Variants in KLF8 observed in about 807,000 individuals in gnomAD.
KLF8 encodes the protein KLF transcription factor 8, also known as Krueppel-like factor 8.
KLF8 carries 10 observed loss-of-function variants against 18.2 expected under a neutral mutation model. That is an observed-to-expected ratio of 0.55 (90% confidence interval 0.34 to 0.93). The LOEUF (loss-of-function observed/expected upper bound fraction) is 0.93, where lower values mean the gene tolerates loss of function less well. Among genes scored for constraint, KLF8 ranks in the 40% least tolerant of loss-of-function variants. KLF8 has a pLI of 0.02. For synonymous variants in KLF8, 109 were observed against 97.3 expected (o/e 1.12, Z -0.71); for missense variants, 264 against 277.9 (o/e 0.95, Z 0.36).
intron 2 of KLF8, among the ~76,000 whole-genome samples, chrX:56,252,340 A>G (rs912813075): frequency 1.8e-5 from 2 of 111,194 alleles, no homozygotes; most frequent in Non-Finnish European, 3.8e-5. Flanking sequence ...TTTCGTACAC[A>G]TTCACCATGA....
At chrX:56,117,450 T>C in the KLF8 span, among the ~76,000 whole-genome samples, 1 of 111,113 alleles carries the variant, frequency 9.0e-6, no homozygotes, top group African/African-American at 3.3e-5. Context: ...CCTGTCCTCA[T>C]AGAATATATA....
At chrX:56,083,991 AT>A in the KLF8 span, among the ~76,000 whole-genome samples, 8 of 111,906 alleles carry the variant, frequency 7.1e-5, no homozygotes, top group Non-Finnish European at 1.3e-4. Context: ...CAACTGAATT[AT>A]TTTTTGATCA....
chrX:56,041,369 C>T, the KLF8 span, among the ~76,000 whole-genome samples: 43 of 111,528 alleles, frequency 3.9e-4, no homozygotes, highest in African/African-American at 1.4e-3. Flanking sequence ...GGTGATCCAC[C>T]CGCCCAAAGT....
the KLF8 span, chrX:56,015,003 T>A: frequency 9.2e-6 from 1 of 108,188 alleles, no homozygotes. Context: ...TTGGGGAGTA[T>A]GGCAGGAGGG....
At chrX:56,092,059 G>A in the KLF8 span, among the ~76,000 whole-genome samples, 1 of 98,528 alleles carries the variant, frequency 1.0e-5, no homozygotes, top group Non-Finnish European at 2.0e-5. Flanking sequence ...GTTTTAACTT[G>A]CATTTCTCTG....
chrX:56,140,811 A>AG, the KLF8 span, among the ~76,000 whole-genome samples: 1 of 105,038 alleles, frequency 9.5e-6, no homozygotes, highest in Non-Finnish European at 1.9e-5. Flanking sequence ...AAAAAAAAAA[A>AG]AAAAAAAAGA....
the KLF8 span, among the ~76,000 whole-genome samples, chrX:55,944,099 T>C: frequency 8.9e-6 from 1 of 111,923 alleles, no homozygotes; most frequent in Admixed American, 9.6e-5. Flanking sequence ...CATGTGGTTT[T>C]TGTCTTTGAT....
At chrX:56,156,572 CT>C in the KLF8 span, among the ~76,000 whole-genome samples, 5 of 106,308 alleles carry the variant, frequency 4.7e-5, no homozygotes, top group African/African-American at 6.8e-5. Flanking sequence ...TGATCTTGTT[CT>C]TTTTTTTTTC....
intron 2 of KLF8, among the ~76,000 whole-genome samples, chrX:56,263,538 T>C (rs1317793272): frequency 1.8e-5 from 2 of 110,985 alleles, no homozygotes; most frequent in African/African-American, 3.3e-5. Context: ...CAGACTGGAG[T>C]GCAGTGGTGT....
chrX:56,015,829 G>A, the KLF8 span, among the ~76,000 whole-genome samples: 4 of 111,650 alleles, frequency 3.6e-5, no homozygotes, highest in South Asian at 3.7e-4. Flanking sequence ...TTTTGTTTGC[G>A]GGAAAGGGAA....
At chrX:56,174,079 A>C in the KLF8 span, among the ~76,000 whole-genome samples, 8 of 111,138 alleles carry the variant, frequency 7.2e-5, no homozygotes, top group Non-Finnish European at 9.4e-5. Flanking sequence ...TGATTGAATA[A>C]CCTTTATTTC....
the KLF8 span, among the ~76,000 whole-genome samples, chrX:56,093,354 ATCAGATTTC>A: frequency 2.7e-5 from 3 of 111,651 alleles, no homozygotes; most frequent in Non-Finnish European, 5.7e-5. Context: ...TATAAATTTG[ATCAGATTTC>A]TCTTCATAAG....
the KLF8 span, among the ~76,000 whole-genome samples, chrX:55,976,154 A>G: frequency 8.9e-6 from 1 of 112,322 alleles, no homozygotes; most frequent in Non-Finnish European, 1.9e-5. Flanking sequence ...ATATCTATAC[A>G]TTGTGAAATG....
chrX:56,256,615 ATTATCAC>A (rs1012378418), intron 2 of KLF8, among the ~76,000 whole-genome samples: 3 of 111,757 alleles, frequency 2.7e-5, no homozygotes, highest in Non-Finnish European at 1.9e-5. Context: ...GTTGTTTTCC[ATTATCAC>A]TTGTTTCAAG....
At chrX:56,197,072 A>G in the KLF8 span, among the ~76,000 whole-genome samples, 15 of 111,837 alleles carry the variant, frequency 1.3e-4, no homozygotes, top group Admixed American at 3.8e-4. Context: ...ATGTACCAGA[A>G]TATCAGGGAC....
chrX:56,007,726 C>G, the KLF8 span, among the ~76,000 whole-genome samples: 1 of 111,233 alleles, frequency 9.0e-6, no homozygotes, highest in African/African-American at 3.3e-5. Flanking sequence ...TTGAAAAAAA[C>G]GTTTTCAAAT....
the KLF8 span, among the ~76,000 whole-genome samples, chrX:56,013,751 G>T: frequency 9.0e-6 from 1 of 111,618 alleles, no homozygotes; most frequent in Admixed American, 9.5e-5. Context: ...TGACATGTTT[G>T]CTTCTCCTTC....
At chrX:55,955,124 G>C in the KLF8 span, among the ~76,000 whole-genome samples, 1 of 111,229 alleles carries the variant, frequency 9.0e-6, no homozygotes, top group African/African-American at 3.3e-5. Flanking sequence ...ATTAAAGCTA[G>C]TGAACTTTAT....
the KLF8 span, among the ~76,000 whole-genome samples, chrX:56,061,986 C>CTTTTTTTTTTTTTTTTTTTT: frequency 5.8e-4 from 33 of 57,114 alleles, no homozygotes; most frequent in African/African-American, 1.5e-3. Context: ...GCAACCCCTG[C>CTTTTTTTTTTTTTTTTTTTT]TTTTTTTTTT....
Sources: gnomAD v4.1 joint callset for allele counts (sites outside exome capture counted in the v4.1 genomes callset) on GRCh38, gnomAD v4.1.1 for gene constraint, MANE v1.5 for transcripts, NCBI Gene and HGNC (gene_info 2026-07-23, HGNC 2026-07-21) for gene names.